PTPN4: variants seen among roughly 807,000 people sequenced by gnomAD.
PTPN4 encodes the protein protein tyrosine phosphatase non-receptor type 4.
PTPN4 carries 49 observed loss-of-function variants against 135.5 expected under a neutral mutation model. That is an observed-to-expected ratio of 0.36 (90% CI 0.29 to 0.46). The LOEUF is 0.46. Ranked by LOEUF, PTPN4 falls within the 20% of genes least tolerant of loss-of-function variation. The probability of loss-of-function intolerance (pLI) is 1.00; values close to 1 mark genes in which losing one functional copy is unlikely to be tolerated. For synonymous variants in PTPN4, 333 were observed against 369.9 expected, an observed-to-expected ratio of 0.90 and a Z score of 1.14; for missense variants, 860 against 1,101.0, an observed-to-expected ratio of 0.78 and a Z score of 3.10.
chr2:119,800,792 T>C (rs1456188408), intron 1 of PTPN4, among the ~76,000 whole-genome samples: 2 of 152,208 alleles, frequency 1.3e-5, no homozygotes, highest in Non-Finnish European at 2.9e-5. Context: ...GGATTTCTGA[T>C]TGGTTCAGCA....
chr2:119,850,666 C>T (rs1409422824), intron 2 of PTPN4, among the ~76,000 whole-genome samples: 1 of 152,174 alleles, frequency 6.6e-6, no homozygotes, highest in East Asian at 1.9e-4. Flanking sequence ...GCTGATTTTA[C>T]TGAGATTGAG....
intron 12 of PTPN4, 120 bp from the exon 13 acceptor site, chr2:119,926,478 C>T (rs114505813): frequency 0.027 from 16,195 of 596,012 alleles, 314 homozygotes; most frequent in Non-Finnish European, 0.033. Context: ...TCTCTGCTTC[C>T]TTTTCTCTGC....
At chr2:119,946,804 C>A in intron 18 of PTPN4, 1 of 433,316 alleles carries the variant, frequency 2.3e-6, no homozygotes, top group Non-Finnish European at 4.1e-6. Flanking sequence ...TTCATTGCTT[C>A]TAAAGCATTA....
intron 19 of PTPN4, among the ~76,000 whole-genome samples, chr2:119,954,529 T>A (rs187900712): frequency 6.6e-6 from 1 of 152,272 alleles, no homozygotes; most frequent in East Asian, 1.9e-4. Context: ...GAGGGACAGG[T>A]ATAGATATAT....
intron 18 of PTPN4, among the ~76,000 whole-genome samples, chr2:119,951,209 G>A (rs1297697944): frequency 4.6e-5 from 7 of 152,130 alleles, no homozygotes; most frequent in Non-Finnish European, 8.8e-5. Context: ...AACTTTTGAT[G>A]TTGTGAAATA....
chr2:119,866,958 CTG>C (rs1677842449), intron 3 of PTPN4, among the ~76,000 whole-genome samples: 1 of 152,038 alleles, frequency 6.6e-6, no homozygotes. Context: ...TCGTTTAACT[CTG>C]TTGTATTTTG....
At position 119,901,226 on chromosome 2, in the gene PTPN4, C is replaced by T. The variant is rs374627298; in HGVS notation, c.764+420C>T. Among the ~76,000 whole-genome samples, 6 of 152,286 alleles carry T rather than the reference C, an allele frequency of 3.9e-5. No homozygotes were observed. The South Asian group carries it at 8.3e-4, about 21-fold the overall frequency. Reference sequence around the variant, plus strand: ...GGTTGACCTGAGAAGCACCGAAGATCGCAGCCAAGAGGCACAGACCACTAA... The same window carrying T: ...GGTTGACCTGAGAAGCACCGAAGATTGCAGCCAAGAGGCACAGACCACTAA... On this transcript the variant is annotated intron_variant, in intron 10 of 26. Transcript: ENST00000263708.
Position 119,977,051 on chromosome 2 carries a change from C to G in PTPN4, c.2762C>G (p.Thr921Arg), listed in dbSNP as rs1183571379. 6.3e-7 allele frequency: 1 copy of G among 1,595,932 alleles called. No homozygotes were observed. Among genetic ancestry groups the G allele is most frequent in the Non-Finnish European group, 8.5e-7 (1 of 1,175,018 alleles). ...VYEEGFVKPL[T>R]TSTNK ...GAAGAAGGCTTTGTTAAACCCTTAA[C>G]AACATCAACAAATAAATAAGAAAGC... Residue 921 changes from threonine (T) to arginine (R), a missense_variant, in exon 27 of 27, where the codon ACA becomes AGA. Physicochemically the swap from Thr to Arg is moderately conservative, Grantham distance 71. Transcript: ENST00000263708.
Position 119,915,174 on chromosome 2 carries a change from T to C in PTPN4, c.765-5T>C. 6.5e-7 allele frequency: 1 copy of C among 1,527,280 alleles called. No homozygotes were observed. The highest frequency in any genetic ancestry group is 2.4e-5 in the East Asian group (1 of 41,836). The allele number at this position is 1,527,280 out of a possible 1,614,324, so 94.6% of individuals were successfully genotyped here. Reference sequence around the variant, plus strand: ...ACTTTGAATAATTTATTGTCTTTTGTCCAGGTTGAAGATTGTAAAAATTTC... The same window carrying C: ...ACTTTGAATAATTTATTGTCTTTTGCCCAGGTTGAAGATTGTAAAAATTTC... On this transcript the variant is annotated splice_polypyrimidine_tract_variant and splice_region_variant and intron_variant, in intron 10 of 26. Coordinates refer to ENST00000263708, the MANE Select transcript of PTPN4 (RefSeq NM_002830.4).
At chr2:119,909,748 T>A (rs1678540695) in intron 10 of PTPN4, among the ~76,000 whole-genome samples, 1 of 152,142 alleles carries the variant, frequency 6.6e-6, no homozygotes, top group Non-Finnish European at 1.5e-5. Flanking sequence ...TGGTAGAAGG[T>A]CAAAGTAGCA....
rs977630823 is a variant in PTPN4 at position 119,957,613 on chromosome 2, A to AT, written c.2133+545dup. Among the ~76,000 whole-genome samples, 88 of 148,874 alleles carry AT rather than the reference A, an allele frequency of 5.9e-4. 1 individual carries two copies. In the East Asian group the frequency reaches 9.6e-3, roughly 16 times the overall value. On this transcript the variant is annotated intron_variant, in intron 22 of 26. Coordinates refer to ENST00000263708, the MANE Select transcript of PTPN4 (RefSeq NM_002830.4). Reference sequence around the variant, plus strand: ...CTAGAATACGTCATTGTAAAGAGGCATTTTTTTTTCTTACCTGGAAAAAAA... The same window carrying AT: ...CTAGAATACGTCATTGTAAAGAGGCATTTTTTTTTTCTTACCTGGAAAAAAA...
chr2:119,766,452 G>GCA (rs1690625754), intron 1 of PTPN4, among the ~76,000 whole-genome samples: 2 of 42,382 alleles, frequency 4.7e-5, no homozygotes, highest in South Asian at 2.0e-3. Context: ...GTGCGCGCGT[G>GCA]TGTGTGTGTG....
intron 11 of PTPN4, among the ~76,000 whole-genome samples, chr2:119,917,585 A>T (rs1678672757): frequency 6.6e-6 from 1 of 152,020 alleles, no homozygotes; most frequent in African/African-American, 2.4e-5. Flanking sequence ...ATACAAAAAA[A>T]TGGTTGTGGT....
intron 1 of PTPN4, among the ~76,000 whole-genome samples, chr2:119,782,714 CTT>C (rs377756070): frequency 2.5e-5 from 3 of 120,178 alleles, no homozygotes; most frequent in Admixed American, 1.8e-4. Context: ...CCCCACCCCC[CTT>C]TTTTTTTTTG....
intron 2 of PTPN4, among the ~76,000 whole-genome samples, chr2:119,854,386 C>T (rs568033012): frequency 7.9e-5 from 12 of 152,238 alleles, no homozygotes; most frequent in African/African-American, 2.9e-4. Context: ...AAGAAAAAAA[C>T]CTTACTGAGG....
chr2:119,918,038 C>T (rs1235954905), intron 11 of PTPN4, among the ~76,000 whole-genome samples: 2 of 152,126 alleles, frequency 1.3e-5, no homozygotes, highest in African/African-American at 4.8e-5. Context: ...AGCTTCAGTG[C>T]ATCATAGTAG....
intron 23 of PTPN4, among the ~76,000 whole-genome samples, chr2:119,962,091 T>G (rs1216736418): frequency 6.6e-6 from 1 of 152,144 alleles, no homozygotes; most frequent in African/African-American, 2.4e-5. Flanking sequence ...ATCTTAAGAT[T>G]TAATGAGGAT....
At chr2:119,786,087 C>T (rs535896517) in intron 1 of PTPN4, among the ~76,000 whole-genome samples, 7 of 152,266 alleles carry the variant, frequency 4.6e-5, no homozygotes, top group South Asian at 4.1e-4. Flanking sequence ...CACTTCTCCT[C>T]CTTTCATATA....
intron 5 of PTPN4, among the ~76,000 whole-genome samples, chr2:119,879,249 G>A (rs953246253): frequency 1.1e-4 from 16 of 152,176 alleles, no homozygotes; most frequent in African/African-American, 2.4e-4. Context: ...GGTAGAATGT[G>A]TTGATTCTTT....
Sources: allele counts gnomAD v4.1 joint callset (sites outside exome capture counted in the v4.1 genomes callset), GRCh38; gene constraint gnomAD v4.1.1; transcripts MANE v1.5; gene names NCBI Gene and HGNC (gene_info 2026-07-23, HGNC 2026-07-21).